DOCK4: variants seen among roughly 807,000 people sequenced by gnomAD.
The protein encoded by DOCK4 is dedicator of cytokinesis 4.
Under a neutral mutation model 268.1 loss-of-function variants are expected in DOCK4, and 97 were observed. The observed-to-expected ratio is 0.36, with a 90% CI of 0.31 to 0.43. DOCK4 has a LOEUF of 0.43. Among genes scored for constraint, DOCK4 ranks in the 20% least tolerant of loss-of-function variants. The pLI is 1.00. For synonymous variants in DOCK4, 954 were observed against 887.2 expected, an observed-to-expected ratio of 1.08 and a Z score of -1.34; for missense variants, 2,145 against 2,455.7, an observed-to-expected ratio of 0.87 and a Z score of 2.67.
At chr7:112,114,892 T>C (rs1056542323) in intron 1 of DOCK4, among the ~76,000 whole-genome samples, 18 of 152,168 alleles carry the variant, frequency 1.2e-4, no homozygotes, top group African/African-American at 4.3e-4. Context: ...GACAACATCT[T>C]ACAATTATCA....
At chr7:111,940,308 A>G (rs533323607) in intron 10 of DOCK4, 66 bp from the exon 11 acceptor site, 2 of 1,601,704 alleles carry the variant, frequency 1.2e-6, no homozygotes, top group South Asian at 2.2e-5. Flanking sequence ...TAGGTAGCGA[A>G]ACATACAGCT....
At chr7:111,728,886 A>G (rs1401126764) in intron 52 of DOCK4, among the ~76,000 whole-genome samples, 166 bp from the exon 53 acceptor site, 1 of 152,168 alleles carries the variant, frequency 6.6e-6, no homozygotes, top group Non-Finnish European at 1.5e-5. Flanking sequence ...AAAGGCCATT[A>G]TGGTGGATCC....
chr7:111,987,687 T>C (rs1390756937), intron 6 of DOCK4, among the ~76,000 whole-genome samples: 2 of 152,188 alleles, frequency 1.3e-5, no homozygotes, highest in African/African-American at 4.8e-5. Flanking sequence ...GAAAGCGCCC[T>C]TGTGCTTTTT....
At position 112,067,854 on chromosome 7, in the gene DOCK4, CAA is replaced by C. The variant is rs1261971811; in HGVS notation, c.38-63725_38-63724del. Reference sequence around the variant, plus strand: ...AAACTACAGCAGACATCTATCAGCACAAACCCTGGCTGTTTGTTGCCACTGGC... The same window carrying C: ...AAACTACAGCAGACATCTATCAGCACACCCTGGCTGTTTGTTGCCACTGGC... On this transcript the variant is annotated intron_variant, in intron 1 of 52. Coordinates refer to ENST00000428084, the MANE Select transcript of DOCK4 (RefSeq NM_001363540.2). Among the ~76,000 whole-genome samples the C allele has an allele frequency of 3.3e-5, 5 of 152,326 alleles. No homozygotes were observed. In the East Asian group the frequency reaches 9.7e-4, roughly 29 times the overall value.
intron 12 of DOCK4, among the ~76,000 whole-genome samples, chr7:111,935,140 G>A (rs1201867989): frequency 5.3e-5 from 8 of 151,770 alleles, no homozygotes; most frequent in Admixed American, 3.9e-4. Flanking sequence ...TAGAGACGGG[G>A]TTTCACTGTG....
At chr7:112,128,704 T>C (rs901158996) in intron 1 of DOCK4, among the ~76,000 whole-genome samples, 1 of 152,094 alleles carries the variant, frequency 6.6e-6, no homozygotes, top group African/African-American at 2.4e-5. Flanking sequence ...GTTAAACAGA[T>C]GCTTGAAGGC....
chr7:111,832,448 T>C (rs1019013984), intron 26 of DOCK4, among the ~76,000 whole-genome samples: 3 of 152,216 alleles, frequency 2.0e-5, no homozygotes, highest in East Asian at 1.9e-4. Flanking sequence ...GTGCTTGCCA[T>C]GCTTGAGTTG....
chr7:111,841,839 A>C (rs1803721578), intron 25 of DOCK4, among the ~76,000 whole-genome samples: 1 of 152,192 alleles, frequency 6.6e-6, no homozygotes, highest in Non-Finnish European at 1.5e-5. Context: ...TACTTATTAC[A>C]CTGTATGGCC....
At chr7:112,188,340 A>G (rs1447146893) in intron 1 of DOCK4, among the ~76,000 whole-genome samples, 1 of 152,252 alleles carries the variant, frequency 6.6e-6, no homozygotes, top group East Asian at 1.9e-4. Context: ...TATAATTTCA[A>G]GGTAACTTGG....
chr7:111,737,107 T>TATGA (rs1480029887), intron 49 of DOCK4, 118 bp from the exon 50 acceptor site: 1 of 803,324 alleles, frequency 1.2e-6, no homozygotes, highest in Non-Finnish European at 2.0e-6. Context: ...TTTTGTGTGA[T>TATGA]ATGATGAGCC....
intron 1 of DOCK4, among the ~76,000 whole-genome samples, chr7:112,155,228 T>C (rs1173104322): frequency 2.6e-5 from 4 of 152,170 alleles, no homozygotes; most frequent in Non-Finnish European, 5.9e-5. Context: ...ACCAAATATA[T>C]ACACAGTAGG....
Position 111,746,329 on chromosome 7 carries a change from CT to C in DOCK4, c.4677+4del. ...TAGAAGGGGGTTGGCTTCTGCTTCC[CT>C]TACCTGCTCAAGCATCAGCTCTCTT... On this transcript the variant is annotated splice_donor_region_variant and intron_variant, in intron 44 of 52. Transcript: ENST00000428084. 6.2e-7 allele frequency: 1 copy of C among 1,611,260 alleles called. No homozygotes were observed. Among genetic ancestry groups the C allele is most frequent in the Non-Finnish European group, 8.5e-7 (1 of 1,178,626 alleles).
chr7:112,165,350 T>C (rs1396702959), intron 1 of DOCK4, among the ~76,000 whole-genome samples: 1 of 134,700 alleles, frequency 7.4e-6, no homozygotes, highest in Non-Finnish European at 1.5e-5. Flanking sequence ...CCTATCTATC[T>C]ATCTTTCCAT....
intron 11 of DOCK4, among the ~76,000 whole-genome samples, chr7:111,936,803 T>C (rs961077430): frequency 6.6e-6 from 1 of 152,244 alleles, no homozygotes; most frequent in African/African-American, 2.4e-5. Context: ...CATAATTGTT[T>C]GCTCACATTT....
intron 1 of DOCK4, among the ~76,000 whole-genome samples, chr7:112,073,182 C>T (rs184280965): frequency 1.8e-4 from 27 of 152,230 alleles, no homozygotes; most frequent in Admixed American, 1.4e-3. Context: ...GCCTAGGTCT[C>T]TCATTTTGTC....
intron 1 of DOCK4, among the ~76,000 whole-genome samples, chr7:112,061,401 G>A (rs1189377060): frequency 6.6e-6 from 1 of 152,162 alleles, no homozygotes; most frequent in Non-Finnish European, 1.5e-5. Flanking sequence ...GCCACATTAA[G>A]AAGACTGTCC....
At chr7:111,787,337 T>G (rs1356101098) in intron 32 of DOCK4, among the ~76,000 whole-genome samples, 2 of 152,168 alleles carry the variant, frequency 1.3e-5, no homozygotes, top group Non-Finnish European at 2.9e-5. Context: ...CTGCATGAGA[T>G]TTTAATCAGA....
chr7:111,795,317 A>G (rs1416704162), intron 30 of DOCK4, among the ~76,000 whole-genome samples: 1 of 149,740 alleles, frequency 6.7e-6, no homozygotes, highest in Non-Finnish European at 1.5e-5. Flanking sequence ...AAACAAACAA[A>G]CAAAACCCAG....
intron 1 of DOCK4, among the ~76,000 whole-genome samples, chr7:112,124,262 C>A (rs1208583044): frequency 1.3e-5 from 2 of 152,164 alleles, no homozygotes; most frequent in Non-Finnish European, 2.9e-5. Flanking sequence ...CTCAAGCGAT[C>A]CTCCTGACTT....
Sources: allele counts gnomAD v4.1 joint callset (sites outside exome capture counted in the v4.1 genomes callset), GRCh38; gene constraint gnomAD v4.1.1; transcripts MANE v1.5; gene names NCBI Gene and HGNC (gene_info 2026-07-23, HGNC 2026-07-21).